The following EXOC6B variants were observed in gnomAD, a reference collection of about 807,000 sequenced individuals.
The protein encoded by EXOC6B is SEC15 homolog B.
A neutral mutation model predicts 113.5 loss-of-function variants in EXOC6B; 54 were observed. That is an observed-to-expected ratio of 0.48 (90% CI 0.38 to 0.60). The LOEUF is 0.60. Ranked by LOEUF, EXOC6B falls within the 20% of genes least tolerant of loss-of-function variation. The pLI, the probability that EXOC6B is intolerant of heterozygous loss-of-function variation, is 0.00. For synonymous variants in EXOC6B, 357 were observed against 339.0 expected (o/e 1.05, Z -0.58); for missense variants, 797 against 977.5 (o/e 0.82, Z 2.46).
intron 20 of EXOC6B, among the ~76,000 whole-genome samples, chr2:72,222,183 G>T (rs1680911279): frequency 6.6e-6 from 1 of 152,168 alleles, no homozygotes; most frequent in African/African-American, 2.4e-5. Flanking sequence ...CCACTACCTG[G>T]TGTGTTCTAG....
In EXOC6B at chr2:72,340,589, C is replaced by T. The variant is rs1319642764; in HGVS notation, c.2123-5569G>A. On this transcript the variant is annotated intron_variant, in intron 19 of 21. Transcript: ENST00000272427. ...GTTTAGACAATGGACACGATAGCAT[C>T]ACCTGCTCTTGCTGAATGGATTAGG... is the stretch of plus-strand genomic sequence containing the variant. Among the ~76,000 whole-genome samples, 6 of 152,170 alleles carry T rather than the reference C, an allele frequency of 3.9e-5. No homozygotes were observed. In the South Asian group the frequency reaches 8.3e-4, roughly 21 times the overall value.
chr2:72,234,627 A>G (rs1573053216), intron 20 of EXOC6B, among the ~76,000 whole-genome samples: 1 of 152,254 alleles, frequency 6.6e-6, no homozygotes, highest in East Asian at 1.9e-4. Flanking sequence ...TAAACAGACA[A>G]CCTAGAATGG....
At chr2:72,668,107 G>A (rs947336880) in intron 6 of EXOC6B, among the ~76,000 whole-genome samples, 5 of 152,104 alleles carry the variant, frequency 3.3e-5, no homozygotes, top group Non-Finnish European at 7.4e-5. Flanking sequence ...ACAAACATAT[G>A]AAACAATGGT....
chr2:72,610,777 C>CCATGCCA (rs1671027538), intron 6 of EXOC6B, among the ~76,000 whole-genome samples: 1 of 152,056 alleles, frequency 6.6e-6, no homozygotes, highest in Non-Finnish European at 1.5e-5. Flanking sequence ...CCACCATGCC[C>CCATGCCA]CATGCCACCA....
chr2:72,386,157 T>TAC (rs1263205674), intron 18 of EXOC6B, among the ~76,000 whole-genome samples: 1 of 151,440 alleles, frequency 6.6e-6, no homozygotes, highest in East Asian at 1.9e-4. Flanking sequence ...GCTATATATA[T>TAC]ACACACACAC....
chr2:72,195,962 T>A (rs1679141884), intron 20 of EXOC6B, among the ~76,000 whole-genome samples: 1 of 152,246 alleles, frequency 6.6e-6, no homozygotes, highest in African/African-American at 2.4e-5. Context: ...GTAATGATAA[T>A]GTTCTGTCTA....
At chr2:72,517,241 T>C (rs1701259223) in intron 8 of EXOC6B, among the ~76,000 whole-genome samples, 1 of 152,164 alleles carries the variant, frequency 6.6e-6, no homozygotes, top group Admixed American at 6.5e-5. Context: ...TGGAAACAAA[T>C]TATAATTTTG....
intron 8 of EXOC6B, among the ~76,000 whole-genome samples, chr2:72,526,750 A>G (rs1319109312): frequency 6.6e-6 from 1 of 152,066 alleles, no homozygotes; most frequent in Non-Finnish European, 1.5e-5. Flanking sequence ...TATTAGATCT[A>G]TATCTGGTAA....
intron 20 of EXOC6B, among the ~76,000 whole-genome samples, chr2:72,191,468 T>TC (rs1678826357): frequency 2.0e-5 from 3 of 152,236 alleles, no homozygotes; most frequent in Non-Finnish European, 4.4e-5. Flanking sequence ...TGGCTCACAC[T>TC]CCCCAAGATG....
intron 1 of EXOC6B, among the ~76,000 whole-genome samples, chr2:72,767,552 G>T: frequency 6.6e-6 from 1 of 151,336 alleles, no homozygotes; most frequent in Non-Finnish European, 1.5e-5. Context: ...GCTCACGCTT[G>T]CAATCCCAAC....
chr2:72,682,653 A>G (rs1388670933), intron 6 of EXOC6B, among the ~76,000 whole-genome samples: 4 of 152,208 alleles, frequency 2.6e-5, no homozygotes, highest in African/African-American at 9.6e-5. Flanking sequence ...TTTAAAAGAT[A>G]TAAGTTGCCT....
intron 20 of EXOC6B, among the ~76,000 whole-genome samples, chr2:72,189,753 T>C (rs1678694025): frequency 7.0e-6 from 1 of 142,216 alleles, no homozygotes; most frequent in Admixed American, 7.1e-5. Context: ...CCTTCCTTTC[T>C]TTCTTCCTTC....
At position 72,575,684 on chromosome 2, in the gene EXOC6B, A is replaced by G; in HGVS notation, c.670-16T>C. On this transcript the variant is annotated splice_polypyrimidine_tract_variant and intron_variant, in intron 6 of 21. Transcript: ENST00000272427. ...GCTGCTGGGCCTAGGATAGAGAAGA[A>G]CACACACAAACACACCAAAAAGGTG... 1 of 1,526,240 alleles carries G rather than the reference A, an allele frequency of 6.6e-7. No homozygotes were observed. The highest frequency in any genetic ancestry group is 1.3e-5 in the South Asian group (1 of 76,360). 94.5% of individuals were successfully genotyped at this position (1,526,240 alleles called of 1,614,324 possible).
At chr2:72,227,923 A>G (rs1681345797) in intron 20 of EXOC6B, among the ~76,000 whole-genome samples, 3 of 152,186 alleles carry the variant, frequency 2.0e-5, no homozygotes, top group African/African-American at 7.2e-5. Flanking sequence ...TCCTAATGTT[A>G]TTCACCAGGC....
chr2:72,229,763 T>C (rs1432609680), intron 20 of EXOC6B, among the ~76,000 whole-genome samples: 1 of 152,236 alleles, frequency 6.6e-6, no homozygotes, highest in Non-Finnish European at 1.5e-5. Flanking sequence ...AATGATAGCA[T>C]ATTAACTCAA....
chr2:72,675,267 C>A (rs1573603589), intron 6 of EXOC6B, among the ~76,000 whole-genome samples: 1 of 152,190 alleles, frequency 6.6e-6, no homozygotes, highest in African/African-American at 2.4e-5. Context: ...AAATGAAAAG[C>A]TGAACGAGAT....
At chr2:72,807,411 T>G (rs1685637448) in intron 1 of EXOC6B, among the ~76,000 whole-genome samples, 1 of 152,206 alleles carries the variant, frequency 6.6e-6, no homozygotes, top group South Asian at 2.1e-4. Flanking sequence ...CCATGCTATT[T>G]TGGTTACTGA....
At chr2:72,475,132 G>A (rs1698656210) in intron 17 of EXOC6B, among the ~76,000 whole-genome samples, 1 of 152,110 alleles carries the variant, frequency 6.6e-6, no homozygotes, top group Non-Finnish European at 1.5e-5. Flanking sequence ...CCCCAGTGGT[G>A]GCAGCAGTGG....
chr2:72,611,293 G>A (rs1032599096), intron 6 of EXOC6B, among the ~76,000 whole-genome samples: 5 of 151,990 alleles, frequency 3.3e-5, no homozygotes, highest in African/African-American at 9.7e-5. Flanking sequence ...GAACCCAGGA[G>A]GCGGCAGCGA....
Sources: allele counts gnomAD v4.1 joint callset (sites outside exome capture counted in the v4.1 genomes callset), GRCh38; gene constraint gnomAD v4.1.1; transcripts MANE v1.5; gene names NCBI Gene and HGNC (gene_info 2026-07-23, HGNC 2026-07-21).